ITGB2: variants seen among roughly 807,000 people sequenced by gnomAD.
The protein encoded by ITGB2 is integrin subunit beta 2.
Under a neutral mutation model 86.8 loss-of-function variants are expected in ITGB2, and 56 were observed. The observed-to-expected ratio is 0.65, with a 90% CI of 0.52 to 0.81. The LOEUF is 0.81. ITGB2 is among the 30% of genes least tolerant of loss of function. The pLI is 0.00. For missense variants in ITGB2, 948 were observed against 1,061.2 expected, an observed-to-expected ratio of 0.89 and a Z score of 1.48; for synonymous variants, 457 against 450.4, an observed-to-expected ratio of 1.01 and a Z score of -0.19.
intron 13 of ITGB2, 77 bp downstream of exon 13, chr21:44,889,199 C>T (rs1289908867): frequency 1.0e-5 from 15 of 1,453,496 alleles, no homozygotes; most frequent in Admixed American, 8.5e-5. Context: ...CTGGGGTCCC[C>T]GAGTGAGCCC....
rs540450476 is a variant in ITGB2, at chr21:44,888,982, G to C, written c.1878-87C>G. 93 of 1,268,128 alleles carry C rather than the reference G, an allele frequency of 7.3e-5. 1 individual carries two copies. In the South Asian group the frequency reaches 7.5e-4, roughly 10 times the overall value. The allele number at this position is 1,268,128 out of a possible 1,614,324, so 78.6% of individuals were successfully genotyped here. A position where few individuals can be genotyped will look rare whatever the true frequency, so the allele number is the denominator to read the frequency against. ...TCGGGCTTGGGTGTGTGTCCACCAG[G>C]GGGGGCAGGTGGGGTTGGGGCGCCC... is the stretch of plus-strand genomic sequence containing the variant. On this transcript the variant is annotated intron_variant, in intron 13 of 15. Coordinates refer to ENST00000652462, the MANE Select transcript of ITGB2 (RefSeq NM_000211.5).
At chr21:44,926,611 C>T (rs1451667889) in intron 1 of ITGB2, among the ~76,000 whole-genome samples, 3 of 152,194 alleles carry the variant, frequency 2.0e-5, no homozygotes, top group African/African-American at 7.2e-5. Flanking sequence ...TCCCTAAGAG[C>T]CGAGGGAGTC....
chr21:44,906,664 G>A (rs568344440), intron 4 of ITGB2, among the ~76,000 whole-genome samples: 30 of 152,224 alleles, frequency 2.0e-4, no homozygotes, highest in African/African-American at 6.7e-4. Context: ...GCAGAACGTC[G>A]GGCTGCGAGA....
intron 1 of ITGB2, among the ~76,000 whole-genome samples, chr21:44,916,383 G>C (rs2084210290): frequency 6.6e-6 from 1 of 151,922 alleles, no homozygotes; most frequent in Admixed American, 6.6e-5. Flanking sequence ...TTAGACAAGG[G>C]GACACCACTC....
At chr21:44,922,177 G>T (rs370160726), upstream of ITGB2, among the ~76,000 whole-genome samples, 1 of 152,154 alleles carries the variant, frequency 6.6e-6, no homozygotes, top group Admixed American at 6.5e-5. Flanking sequence ...GAATATTAAC[G>T]CTGTGAAACA....
At chr21:44,886,989 C>G in intron 14 of ITGB2, 87 bp from the exon 15 acceptor site, 1 of 1,533,758 alleles carries the variant, frequency 6.5e-7, no homozygotes, top group Non-Finnish European at 8.9e-7. Flanking sequence ...CCCCACAACA[C>G]AGCACTTAGA....
Position 44,891,811 on chromosome 21 carries a change from G to A in ITGB2, c.1410C>T (p.Cys470=), listed in dbSNP as rs753427314. The A allele has an allele frequency of 9.3e-6, 15 of 1,604,572 alleles. No individual in the cohort carries two copies. The highest frequency in any genetic ancestry group is 1.3e-5 in the Non-Finnish European group (15 of 1,179,944). ...ACAGGGACCTGCGCCCGCCTCACCT[G>A]CAGATGCCGCACTCCAAGAAGCCCT... ...HGKGFLECGI[C]RCDTGYIGKN... is the part of the protein sequence containing the mutation. Residue 470 remains cysteine, a splice_region_variant and synonymous_variant, in exon 11 of 16, where the codon TGC becomes TGT. Coordinates refer to ENST00000652462, the MANE Select transcript of ITGB2 (RefSeq NM_000211.5).
intron 1 of ITGB2, among the ~76,000 whole-genome samples, chr21:44,917,228 C>T (rs2084225104): frequency 6.6e-6 from 1 of 152,168 alleles, no homozygotes; most frequent in Admixed American, 6.5e-5. Context: ...GGTGCCTGCG[C>T]TATGGAGTCC....
At chr21:44,904,495 T>C (rs989138578) in intron 4 of ITGB2, among the ~76,000 whole-genome samples, 3 of 150,948 alleles carry the variant, frequency 2.0e-5, no homozygotes, top group African/African-American at 7.3e-5. Flanking sequence ...ACCACAAATA[T>C]GCACACACAC....
chr21:44,901,772 G>C (rs373219481), intron 5 of ITGB2, 39 bp from the exon 6 acceptor site: 4 of 1,584,548 alleles, frequency 2.5e-6, no homozygotes, highest in African/African-American at 1.3e-5. Context: ...GTGGCAGGCT[G>C]GGCCCAGGTG....
At chr21:44,888,152 G>A (rs2083726195) in intron 14 of ITGB2, among the ~76,000 whole-genome samples, 1 of 148,642 alleles carries the variant, frequency 6.7e-6, no homozygotes, top group South Asian at 2.1e-4. Context: ...GAATGAGACA[G>A]GGTCAGTGCC....
chr21:44,900,589 C>T (rs2083939452), intron 6 of ITGB2, 114 bp from the exon 7 acceptor site: 2 of 1,294,854 alleles, frequency 1.5e-6, no homozygotes, highest in Non-Finnish European at 2.2e-6. Flanking sequence ...TGGTGTGGGT[C>T]CCCCTTTCCC....
intron 8 of ITGB2, among the ~76,000 whole-genome samples, chr21:44,896,023 A>C (rs548091004): frequency 1.2e-4 from 18 of 151,122 alleles, no homozygotes; most frequent in Middle Eastern, 3.4e-3. Flanking sequence ...GGTGTGAGTG[A>C]TCCCGCCTGC....
At chr21:44,901,100 G>A (rs563534556) in intron 6 of ITGB2, among the ~76,000 whole-genome samples, 23 of 152,284 alleles carry the variant, frequency 1.5e-4, no homozygotes, top group South Asian at 4.1e-4. Flanking sequence ...CGTGGAGAGC[G>A]ACACACACTG....
intron 1 of ITGB2, among the ~76,000 whole-genome samples, chr21:44,916,284 C>A (rs1285955958): frequency 6.6e-6 from 1 of 151,788 alleles, no homozygotes; most frequent in Non-Finnish European, 1.5e-5. Flanking sequence ...ACACCCCACC[C>A]CCCCGACACA....
chr21:44,895,108 G>A lies in ITGB2; in HGVS notation c.994-48C>T, dbSNP rs576367503. 98 of 1,371,732 alleles carry A rather than the reference G, an allele frequency of 7.1e-5. 1 individual carries two copies. In the South Asian group the frequency reaches 9.3e-4, roughly 13 times the overall value. The allele number at this position is 1,371,732 out of a possible 1,614,324, so 85.0% of individuals were successfully genotyped here. A position where few individuals can be genotyped will look rare whatever the true frequency, so the allele number is the denominator to read the frequency against. ...ATGGCACGGCTAGGACCTGTGCCAC[G>A]GCATCTCCACGCACTGGGCTCACCC... On this transcript the variant is annotated intron_variant, in intron 8 of 15. Transcript: ENST00000652462.
At chr21:44,898,360 C>G (rs1447051794) in intron 8 of ITGB2, among the ~76,000 whole-genome samples, 1 of 152,232 alleles carries the variant, frequency 6.6e-6, no homozygotes, top group African/African-American at 2.4e-5. Flanking sequence ...TTGACCTTTG[C>G]TGACTTTTGT....
At chr21:44,898,651 G>A (rs988542630) in intron 8 of ITGB2, among the ~76,000 whole-genome samples, 5 of 152,180 alleles carry the variant, frequency 3.3e-5, no homozygotes, top group Non-Finnish European at 7.4e-5. Context: ...TGCTTCCTTC[G>A]TGAAATTCAT....
intron 4 of ITGB2, 26 bp downstream of exon 4, chr21:44,906,873 AGCACAGACGGTGCCTG>A: frequency 6.2e-7 from 1 of 1,608,714 alleles, no homozygotes; most frequent in Non-Finnish European, 8.5e-7. Context: ...GCCAATAACC[AGCACAGACGGTGCCTG>A]GCACCACCAC....
Sources: allele counts gnomAD v4.1 joint callset (sites outside exome capture counted in the v4.1 genomes callset), GRCh38; gene constraint gnomAD v4.1.1; transcripts MANE v1.5; gene names NCBI Gene and HGNC (gene_info 2026-07-23, HGNC 2026-07-21).